The following ITSN2 variants were observed in gnomAD, a reference collection of about 807,000 sequenced individuals.
ITSN2 encodes the protein intersectin-2.
In ITSN2, 156 loss-of-function variants were observed where a neutral mutation model predicts 243.7. The observed-to-expected ratio is 0.64, with a 90% CI of 0.56 to 0.73. ITSN2 has a LOEUF of 0.73. ITSN2 is among the 30% of genes least tolerant of loss of function. The probability of loss-of-function intolerance (pLI) is 0.00; values close to 1 mark genes in which losing one functional copy is unlikely to be tolerated. For synonymous variants in ITSN2, 703 were observed against 699.9 expected, an observed-to-expected ratio of 1.00 and a Z score of -0.07; for missense variants, 1,801 against 1,996.1, an observed-to-expected ratio of 0.90 and a Z score of 1.86.
chr2:24,204,755 A>G lies in ITSN2; in HGVS notation c.4763-337T>C, dbSNP rs1316521039. ...GGGCACTGGCACTTACTGGGAAAAC[A>G]GTGATAAGAATATTGGTCCAATATG... On this transcript the variant is annotated intron_variant, in intron 38 of 39. Transcript: ENST00000355123. The surrounding 1 kb of genome is among the most constrained non-coding windows in gnomAD (Gnocchi z 5.1). 1 of 505,382 alleles carries G rather than the reference A, an allele frequency of 2.0e-6. No individual in the cohort carries two copies. Among genetic ancestry groups the G allele is most frequent in the Admixed American group, 2.3e-5 (1 of 43,912 alleles). The allele number at this position is 505,382 out of a possible 1,614,324, so 31.3% of individuals were successfully genotyped here. A position where few individuals can be genotyped will look rare whatever the true frequency, so the allele number is the denominator to read the frequency against.
chr2:24,306,818 T>C (rs570458316), intron 8 of ITSN2, among the ~76,000 whole-genome samples: 4 of 152,154 alleles, frequency 2.6e-5, no homozygotes, highest in Admixed American at 1.3e-4. Flanking sequence ...ACTTTTTTTT[T>C]TTTTTTGAGA....
chr2:24,219,780 T>C (rs1387421433), intron 30 of ITSN2, among the ~76,000 whole-genome samples: 1 of 152,218 alleles, frequency 6.6e-6, no homozygotes, highest in Non-Finnish European at 1.5e-5. Context: ...GCCTTAGGAC[T>C]GGAATCTGAC....
At chr2:24,323,275 T>C (rs1395357598) in intron 2 of ITSN2, among the ~76,000 whole-genome samples, 4 of 152,208 alleles carry the variant, frequency 2.6e-5, no homozygotes, top group Admixed American at 1.3e-4. Flanking sequence ...ACCTGTTCTC[T>C]GATGGTTATA....
At chr2:24,360,884 C>G (rs922511764), upstream of ITSN2, among the ~76,000 whole-genome samples, 2 of 152,234 alleles carry the variant, frequency 1.3e-5, no homozygotes, top group Non-Finnish European at 2.9e-5. Context: ...CAGTGCCTGC[C>G]ACATCCCTGT....
chr2:24,309,989 T>C (rs1558602676), intron 7 of ITSN2, among the ~76,000 whole-genome samples: 1 of 152,148 alleles, frequency 6.6e-6, no homozygotes, highest in Non-Finnish European at 1.5e-5. Flanking sequence ...TTGGGAAATA[T>C]ACACATTTTT....
intron 1 of ITSN2, among the ~76,000 whole-genome samples, chr2:24,351,819 T>C (rs1160659547): frequency 1.3e-5 from 2 of 152,156 alleles, no homozygotes; most frequent in Non-Finnish European, 2.9e-5. Flanking sequence ...TGTGTTCAAG[T>C]AACCCTTATT....
chr2:24,208,388 T>C, intron 36 of ITSN2, 69 bp from the exon 37 acceptor site: 2 of 1,130,926 alleles, frequency 1.8e-6, no homozygotes, highest in Non-Finnish European at 2.6e-6. Flanking sequence ...GCCCCAGAGC[T>C]CTGCACATGT....
intron 15 of ITSN2, among the ~76,000 whole-genome samples, chr2:24,288,978 C>CT (rs1023545752): frequency 1.3e-5 from 2 of 152,074 alleles, no homozygotes; most frequent in African/African-American, 4.8e-5. Context: ...CATGTTGTCC[C>CT]TATGTCTGTT....
At position 24,216,151 on chromosome 2, in the gene ITSN2, G is replaced by A; in HGVS notation, c.3888C>T (p.Ser1296=). The change falls in exon 32 of 40, where the codon TCC becomes TCT. Residue 1296 remains serine (S), a synonymous_variant. Coordinates refer to ENST00000355123, the MANE Select transcript of ITSN2 (RefSeq NM_006277.3). The part of the protein sequence containing the change: ...MIGDILAAEL[S]HMQAYIRFCS... ...AGAACCTGATGTAAGCCTGCATGTG[G>A]GACAGCTCAGCGGCCAGGATGTCCC... 2 of 1,612,796 alleles carry A rather than the reference G, an allele frequency of 1.2e-6. No homozygotes were observed. The highest frequency in any genetic ancestry group is 1.7e-6 in the Non-Finnish European group (2 of 1,179,392).
Position 24,315,216 on chromosome 2 carries a change from T to C in ITSN2, c.40A>G (p.Asn14Asp). The change falls in exon 3 of 40, where the codon AAC (asparagine) becomes GAC (aspartate). Residue 14 changes from asparagine (N) to aspartate (D), a missense_variant. Around this residue, in one of 5 missense-constraint regions of ITSN2, gnomAD observed 77 missense variants for 90.1 expected, o/e 0.85. Coordinates refer to ENST00000355123, the MANE Select transcript of ITSN2 (RefSeq NM_006277.3). The part of the protein sequence containing the change: ...QFPTAMNGGP[N>D]MWAITSEERT... ...TCTTCAGAGGTAATAGCCCACATGT[T>C]TGGCCCTCCTGAAACATAAGTGGAA... 6.2e-7 allele frequency: 1 copy of C among 1,608,232 alleles called. No individual in the cohort carries two copies. Among genetic ancestry groups the C allele is most frequent in the South Asian group, 1.1e-5 (1 of 90,546 alleles).
chr2:24,289,794 T>C (rs1419654422), intron 15 of ITSN2, among the ~76,000 whole-genome samples: 1 of 152,204 alleles, frequency 6.6e-6, no homozygotes, highest in Non-Finnish European at 1.5e-5. Flanking sequence ...TGAGATTTTT[T>C]TTAGCACTCA....
chr2:24,299,909 C>A lies in ITSN2; in HGVS notation c.1344G>T (p.Glu448Asp). The change falls in exon 12 of 40, where the codon GAG (glutamate) becomes GAT (aspartate). Residue 448 changes from glutamate (E) to aspartate (D), a missense_variant and splice_region_variant. Physicochemically the swap from Glu to Asp is conservative, Grantham distance 45. Transcript: ENST00000355123. ...AAGAAGTAAAAAACTTAAAAATAACCTCTCGTCTTTCTATGTCTTTTCTCC... is the reference window on the plus strand; with the variant it reads ...AAGAAGTAAAAAACTTAAAAATAACATCTCGTCTTTCTATGTCTTTTCTCC... ...EERRKDIERR[E>D]AAKQELERQR... 4 of 1,585,618 alleles carry A rather than the reference C, an allele frequency of 2.5e-6. No homozygotes were observed. The highest frequency in any genetic ancestry group is 1.2e-5 in the South Asian group (1 of 85,340).
intron 13 of ITSN2, among the ~76,000 whole-genome samples, chr2:24,298,348 G>A (rs1001911894): frequency 2.0e-5 from 3 of 152,042 alleles, no homozygotes; most frequent in African/African-American, 7.2e-5. Context: ...AGTAGAGATG[G>A]GGTTTCACTA....
At chr2:24,340,424 CG>C (rs1409394783) in intron 1 of ITSN2, among the ~76,000 whole-genome samples, 1 of 150,128 alleles carries the variant, frequency 6.7e-6, no homozygotes, top group African/African-American at 2.5e-5. Context: ...GAGGTTACAG[CG>C]AACTGAGATC....
intron 29 of ITSN2, among the ~76,000 whole-genome samples, chr2:24,231,151 C>T (rs181541922): frequency 6.6e-6 from 1 of 152,330 alleles, no homozygotes; most frequent in Non-Finnish European, 1.5e-5. Flanking sequence ...TCTGGATCCA[C>T]CTCCCTTGCA....
Position 24,329,562 on chromosome 2 carries a change from C to T in ITSN2, c.-33-1447G>A, listed in dbSNP as rs564400161. ...TGCTGGGATTACAGGCCACTGTGTC[C>T]TGCCCGTTCCATGAATTTTGAGAGT... On this transcript the variant is annotated intron_variant, in intron 1 of 39. Transcript: ENST00000355123. Among the ~76,000 whole-genome samples the T allele has an allele frequency of 1.6e-3, 239 of 152,226 alleles. 2 individuals are homozygous for T. Among genetic ancestry groups the T allele is most frequent in the Non-Finnish European group, 6.5e-4 (44 of 68,022 alleles).
intron 30 of ITSN2, among the ~76,000 whole-genome samples, chr2:24,219,785 T>A (rs538044523): frequency 6.6e-6 from 1 of 152,306 alleles, no homozygotes; most frequent in Admixed American, 6.5e-5. Flanking sequence ...AGGACTGGAA[T>A]CTGACCAGCA....
At chr2:24,306,484 T>C (rs1332272973) in intron 8 of ITSN2, among the ~76,000 whole-genome samples, 4 of 152,224 alleles carry the variant, frequency 2.6e-5, no homozygotes, top group Non-Finnish European at 5.9e-5. Context: ...GCTGCTTTCA[T>C]TCAATACCAT....
At chr2:24,293,637 ACAGT>A (rs752536417) in intron 15 of ITSN2, 47 bp downstream of exon 15, 1 of 681,044 alleles carries the variant, frequency 1.5e-6, no homozygotes. Flanking sequence ...TGTGACTGAT[ACAGT>A]CATTCAGAAA....
Sources: gnomAD v4.1 joint callset for allele counts (sites outside exome capture counted in the v4.1 genomes callset) on GRCh38, gnomAD v4.1.1 for gene constraint, gnomAD v4.1.1 regional missense constraint, Gnocchi (gnomAD v3.1) non-coding constraint, MANE v1.5 for transcripts, NCBI Gene and HGNC (gene_info 2026-07-23, HGNC 2026-07-21) for gene names.